ATP8B1: variants seen among roughly 807,000 people sequenced by gnomAD.
ATP8B1 encodes ATPase phospholipid transporting 8B1.
In ATP8B1, 80 loss-of-function variants were observed where a neutral mutation model predicts 149.9. The ratio of observed to expected loss-of-function variants is 0.53; its 90% CI spans 0.45 to 0.64. ATP8B1 has a LOEUF of 0.64. Among genes scored for constraint, ATP8B1 ranks in the 30% least tolerant of loss-of-function variants. The pLI, the probability that ATP8B1 is intolerant of heterozygous loss-of-function variation, is 0.00. For missense variants in ATP8B1, 1,247 were observed against 1,552.6 expected (o/e 0.80, Z 3.31); for synonymous variants, 536 against 562.8 (o/e 0.95, Z 0.67).
intron 11 of ATP8B1, among the ~76,000 whole-genome samples, 174 bp from the exon 12 acceptor site, chr18:57,692,171 G>T (rs1182860545): frequency 6.6e-6 from 1 of 152,168 alleles, no homozygotes; most frequent in Non-Finnish European, 1.5e-5. Context: ...AAGTCTATTT[G>T]ATTGCTGCAA....
intron 25 of ATP8B1, 75 bp downstream of exon 25, chr18:57,652,409 G>A: frequency 1.3e-6 from 2 of 1,585,856 alleles, no homozygotes; most frequent in Middle Eastern, 1.7e-4. Flanking sequence ...TCAGGTGGAT[G>A]TGCATGCCAC....
intron 1 of ATP8B1, among the ~76,000 whole-genome samples, chr18:57,781,210 G>A (rs1303065979): frequency 1.3e-5 from 2 of 152,234 alleles, no homozygotes; most frequent in African/African-American, 4.8e-5. Context: ...AAAGTCTCCC[G>A]AGGTGATTTT....
Position 57,652,747 on chromosome 18 carries a change from A to G in ATP8B1, c.3016-18T>C. ...CTCACATCCTTAAGGAGAAAACAAA[A>G]TGATGGTATTTTATTCATCAGGTCA... On this transcript the variant is annotated intron_variant, in intron 24 of 27. Transcript: ENST00000648908. The G allele has an allele frequency of 6.2e-7, 1 of 1,614,090 alleles. No individual in the cohort carries two copies. Among genetic ancestry groups the G allele is most frequent in the Non-Finnish European group, 8.5e-7 (1 of 1,179,944 alleles).
At chr18:57,787,815 A>T (rs538758019) in intron 1 of ATP8B1, among the ~76,000 whole-genome samples, 5 of 152,302 alleles carry the variant, frequency 3.3e-5, no homozygotes, top group African/African-American at 9.6e-5. Context: ...ACACCTTTAA[A>T]ATAAATAGGC....
chr18:57,740,789 T>C (rs2123207087), intron 1 of ATP8B1: 1 of 152,446 alleles, frequency 6.6e-6, no homozygotes, highest in East Asian at 1.9e-4. Flanking sequence ...TTGCTCAGGA[T>C]GCTCTTGAAC....
chr18:57,670,155 C>T (rs1911137323), intron 17 of ATP8B1, among the ~76,000 whole-genome samples: 1 of 152,026 alleles, frequency 6.6e-6, no homozygotes, highest in Non-Finnish European at 1.5e-5. Flanking sequence ...AACCTGACAA[C>T]TTTATAACTT....
At chr18:57,719,907 A>ATGGG (rs2079624908) in intron 2 of ATP8B1, among the ~76,000 whole-genome samples, 2 of 152,136 alleles carry the variant, frequency 1.3e-5, no homozygotes, top group Non-Finnish European at 2.9e-5. Flanking sequence ...CTGAGAACCA[A>ATGGG]CAGACTGCCT....
rs186087978 is a variant in ATP8B1, at chr18:57,788,242, A to T, written c.-26+14756T>A. Among the ~76,000 whole-genome samples, 7 of 152,212 alleles carry T rather than the reference A, an allele frequency of 4.6e-5. No individual in the cohort carries two copies. In the East Asian group the frequency reaches 1.4e-3, roughly 29 times the overall value. On this transcript the variant is annotated intron_variant, in intron 1 of 27. Transcript: ENST00000648908. ...GGGTATCCTATAAAACATCAGGTCCATCATTTGAAGCACGAAAAAATCGGA... is the reference window on the plus strand; with the variant it reads ...GGGTATCCTATAAAACATCAGGTCCTTCATTTGAAGCACGAAAAAATCGGA...
chr18:57,657,966 C>T (rs1228390551), intron 22 of ATP8B1, among the ~76,000 whole-genome samples: 3 of 152,132 alleles, frequency 2.0e-5, no homozygotes, highest in East Asian at 3.9e-4. Flanking sequence ...ATCTCAAATG[C>T]GGTGTTAGGT....
intron 15 of ATP8B1, among the ~76,000 whole-genome samples, chr18:57,681,486 T>A (rs1911967052): frequency 6.6e-6 from 1 of 152,110 alleles, no homozygotes; most frequent in Non-Finnish European, 1.5e-5. Context: ...GTTACACTAA[T>A]TCACTACAGA....
rs2079679532 is a variant in ATP8B1, at chr18:57,724,095, C to T, written c.181+7532G>A. Among the ~76,000 whole-genome samples, 3 of 151,834 alleles carry T rather than the reference C, an allele frequency of 2.0e-5. No individual in the cohort carries two copies. The South Asian group carries it at 6.3e-4, about 32-fold the overall frequency. Reference sequence around the variant, plus strand: ...CCTTCCCTACACCTTATACAAAAATCAATTCAAGATGGATTAAAGATTTAA... The same window carrying T: ...CCTTCCCTACACCTTATACAAAAATTAATTCAAGATGGATTAAAGATTTAA... On this transcript the variant is annotated intron_variant, in intron 2 of 27. Coordinates refer to ENST00000648908, the MANE Select transcript of ATP8B1 (RefSeq NM_001374385.1).
intron 1 of ATP8B1, among the ~76,000 whole-genome samples, chr18:57,738,768 C>A (rs1274519622): frequency 6.6e-6 from 1 of 152,054 alleles, no homozygotes; most frequent in Non-Finnish European, 1.5e-5. Context: ...GCTGCGAGAT[C>A]CCTCTAACTA....
chr18:57,718,103 T>TAAAAAAAAAA (rs59629558), intron 2 of ATP8B1, among the ~76,000 whole-genome samples: 167 of 31,780 alleles, frequency 5.3e-3, no homozygotes, highest in East Asian at 7.0e-3. Flanking sequence ...CTGGACTAAC[T>TAAAAAAAAAA]AAAAAAAAAA....
At chr18:57,658,053 C>CT (rs546460466) in intron 22 of ATP8B1, among the ~76,000 whole-genome samples, 13,906 of 146,254 alleles carry the variant, frequency 0.095, 880 homozygotes, top group East Asian at 0.28. Context: ...TCCCTCTTGC[C>CT]TTTTTTTTTT....
chr18:57,684,287 A>G (rs1599113068), intron 14 of ATP8B1, 95 bp from the exon 15 acceptor site: 2 of 1,336,920 alleles, frequency 1.5e-6, no homozygotes, highest in East Asian at 2.5e-5. Flanking sequence ...GGTTTCAATT[A>G]TGCAAAAACC....
intron 4 of ATP8B1, among the ~76,000 whole-genome samples, chr18:57,704,091 C>G (rs545666043): frequency 6.6e-6 from 1 of 151,900 alleles, no homozygotes; most frequent in Non-Finnish European, 1.5e-5. Context: ...CTCAGTCTCC[C>G]GAGTAGCTGG....
At chr18:57,692,023 C>G in intron 11 of ATP8B1, 26 bp from the exon 12 acceptor site, 1 of 1,595,860 alleles carries the variant, frequency 6.3e-7, no homozygotes, top group Non-Finnish European at 8.5e-7. Flanking sequence ...CATTTAAATG[C>G]ATTCTGAAGA....
At chr18:57,667,012 T>C (rs1296970182) in intron 20 of ATP8B1, 80 bp downstream of exon 20, 14 of 1,305,510 alleles carry the variant, frequency 1.1e-5, no homozygotes, top group Non-Finnish European at 1.6e-5. Context: ...TATTTCTTCA[T>C]ATCTGCTATC....
intron 1 of ATP8B1, among the ~76,000 whole-genome samples, chr18:57,739,063 TCAGCTCAC>T (rs2079885997): frequency 6.6e-6 from 1 of 152,148 alleles, no homozygotes; most frequent in East Asian, 1.9e-4. Flanking sequence ...TGGCATGATC[TCAGCTCAC>T]TGCAACCTCC....
Sources: gnomAD v4.1 joint callset for allele counts (sites outside exome capture counted in the v4.1 genomes callset) on GRCh38, gnomAD v4.1.1 for gene constraint, MANE v1.5 for transcripts, NCBI Gene and HGNC (gene_info 2026-07-23, HGNC 2026-07-21) for gene names.